Variants in MYO3B observed in about 807,000 individuals in gnomAD.
MYO3B encodes myosin-IIIb.
A neutral mutation model predicts 174.6 loss-of-function variants in MYO3B; 156 were observed. That is an observed-to-expected ratio of 0.89 (90% confidence interval 0.78 to 1.02). The LOEUF is 1.02. MYO3B is among the 50% of genes least tolerant of loss of function. The pLI, the probability that MYO3B is intolerant of heterozygous loss-of-function variation, is 0.00. For missense variants in MYO3B, 1,632 were observed against 1,639.4 expected, an observed-to-expected ratio of 1.00 and a Z score of 0.08; for synonymous variants, 563 against 569.1, an observed-to-expected ratio of 0.99 and a Z score of 0.15.
At chr2:170,564,756 A>G (rs1370802002) in intron 32 of MYO3B, among the ~76,000 whole-genome samples, 1 of 152,176 alleles carries the variant, frequency 6.6e-6, no homozygotes, top group Non-Finnish European at 1.5e-5. Flanking sequence ...GAACAAGTAA[A>G]TAAATTCTAC....
chr2:170,200,834 G>T (rs1483536891), intron 3 of MYO3B, among the ~76,000 whole-genome samples: 3 of 152,218 alleles, frequency 2.0e-5, no homozygotes, highest in East Asian at 3.8e-4. Flanking sequence ...AGAGACCTAA[G>T]CTGGTCCTCT....
At chr2:170,516,802 T>C (rs1475919449) in intron 29 of MYO3B, among the ~76,000 whole-genome samples, 1 of 152,204 alleles carries the variant, frequency 6.6e-6, no homozygotes, top group Non-Finnish European at 1.5e-5. Flanking sequence ...CTAGCGAAGC[T>C]TCTATTGTCA....
At chr2:170,626,321 T>G (rs941842726) in intron 32 of MYO3B, among the ~76,000 whole-genome samples, 3 of 152,212 alleles carry the variant, frequency 2.0e-5, no homozygotes, top group African/African-American at 2.4e-5. Flanking sequence ...GCCTTCTTTA[T>G]CTCTTTTGAT....
intron 23 of MYO3B, among the ~76,000 whole-genome samples, chr2:170,456,249 G>C (rs1027079639): frequency 1.3e-5 from 2 of 152,204 alleles, no homozygotes; most frequent in African/African-American, 4.8e-5. Flanking sequence ...TGTTAGGTCT[G>C]CAAAACAAAC....
intron 23 of MYO3B, 142 bp from the exon 24 acceptor site, chr2:170,463,226 C>G (rs923034707): frequency 6.9e-6 from 4 of 581,980 alleles, no homozygotes; most frequent in Middle Eastern, 4.6e-4. Context: ...TTGAAAAATT[C>G]TCCCCACAGT....
intron 12 of MYO3B, among the ~76,000 whole-genome samples, chr2:170,384,229 G>A (rs898760059): frequency 2.6e-5 from 4 of 152,042 alleles, no homozygotes; most frequent in African/African-American, 9.7e-5. Flanking sequence ...ATGAAATATT[G>A]CACAGAGGTT....
chr2:170,183,072 A>C lies in MYO3B; in HGVS notation c.2+4783A>C, dbSNP rs555981467. 4.6e-3 allele frequency among the ~76,000 whole-genome samples: 694 copies of C among 152,154 alleles called. 5 individuals are homozygous for C. The highest frequency in any genetic ancestry group is 5.9e-3 in the Non-Finnish European group (404 of 67,980). On this transcript the variant is annotated intron_variant, in intron 1 of 34. Transcript: ENST00000408978. ...GGAGTTCAAGACCAGCCTGGGCAAC[A>C]CTGTGAAACCCCGTCTCTACTAAAA... is the stretch of plus-strand genomic sequence containing the variant.
rs56179904 is a variant in MYO3B at position 170,382,098 on chromosome 2, G to A, written c.1054G>A (p.Glu352Lys). 1.9e-6 allele frequency: 3 copies of A among 1,613,054 alleles called. No homozygotes were observed. The South Asian group carries it at 3.3e-5, about 18-fold the overall frequency. Residue 352 changes from glutamate to lysine, a missense_variant, in exon 10 of 35, where the codon GAG becomes AAG. Physicochemically the swap from Glu to Lys is moderately conservative, Grantham distance 56. Transcript: ENST00000408978. ...YCLEDDLVNL[E>K]VLDEDTIIHQ... is the part of the protein sequence containing the mutation. ...CCTTGAGGATGATTTGGTCAACCTA[G>A]AGGTTCTGGATGAGGTACTAAATAT...
At chr2:170,196,527 G>C (rs1219152046) in intron 1 of MYO3B, among the ~76,000 whole-genome samples, 1 of 152,178 alleles carries the variant, frequency 6.6e-6, no homozygotes, top group Non-Finnish European at 1.5e-5. Context: ...AAAAAGCCTA[G>C]TGTTGAGTAA....
Position 170,528,976 on chromosome 2 carries a change from C to T in MYO3B, c.3575+9436C>T, listed in dbSNP as rs114380292. On this transcript the variant is annotated intron_variant, in intron 30 of 34. Transcript: ENST00000408978. The stretch of plus-strand genomic sequence containing the variant: ...TCTGGAAAACTTGAACATTTTCAAA[C>T]CCATTTTAATTTCGTTTGAATAAAC... Among the ~76,000 whole-genome samples the T allele has an allele frequency of 4.8e-3, 731 of 152,320 alleles. 7 individuals are homozygous for T. Among genetic ancestry groups the T allele is most frequent in the African/African-American group, 0.016 (684 of 41,564 alleles).
chr2:170,280,172 G>T (rs1350046850), intron 7 of MYO3B, among the ~76,000 whole-genome samples: 2 of 152,102 alleles, frequency 1.3e-5, no homozygotes, highest in Non-Finnish European at 2.9e-5. Context: ...GTGAGAGATG[G>T]TATCACATTG....
intron 32 of MYO3B, among the ~76,000 whole-genome samples, chr2:170,592,215 T>C (rs763357428): frequency 1.2e-4 from 18 of 152,320 alleles, no homozygotes; most frequent in East Asian, 1.2e-3. Flanking sequence ...GAGGTACTTT[T>C]TGAGGATGTT....
chr2:170,419,273 G>C (rs945059408), intron 22 of MYO3B, among the ~76,000 whole-genome samples: 1 of 152,074 alleles, frequency 6.6e-6, no homozygotes, highest in Non-Finnish European at 1.5e-5. Flanking sequence ...TTTTATCTAG[G>C]GCTGCCAGAA....
intron 7 of MYO3B, among the ~76,000 whole-genome samples, chr2:170,285,915 C>G (rs535072226): frequency 3.3e-5 from 5 of 151,530 alleles, no homozygotes; most frequent in Non-Finnish European, 7.4e-5. Flanking sequence ...CTAAGTCTTT[C>G]TTACATGAAA....
chr2:170,477,916 G>C (rs1376195301), intron 25 of MYO3B, among the ~76,000 whole-genome samples: 1 of 152,048 alleles, frequency 6.6e-6, no homozygotes, highest in East Asian at 1.9e-4. Context: ...CAGAGACCTG[G>C]ACACCTTCTG....
intron 30 of MYO3B, among the ~76,000 whole-genome samples, chr2:170,526,078 G>A (rs1216130096): frequency 2.6e-5 from 4 of 152,152 alleles, no homozygotes; most frequent in Non-Finnish European, 4.4e-5. Flanking sequence ...AACACTGTAT[G>A]TATTGTCTCA....
At chr2:170,520,488 T>TAC (rs1441679629) in intron 30 of MYO3B, among the ~76,000 whole-genome samples, 2 of 151,750 alleles carry the variant, frequency 1.3e-5, no homozygotes, top group African/African-American at 4.8e-5. Context: ...CATATATATA[T>TAC]ACACACATAT....
intron 32 of MYO3B, among the ~76,000 whole-genome samples, chr2:170,586,028 AAAAC>A (rs201191851): frequency 0.013 from 1,953 of 152,302 alleles, 11 homozygotes; most frequent in African/African-American, 0.021. Flanking sequence ...AACAAAACAA[AAAAC>A]AAACAAACAA....
intron 7 of MYO3B, among the ~76,000 whole-genome samples, chr2:170,272,010 A>T (rs1386775803): frequency 6.6e-6 from 1 of 151,102 alleles, no homozygotes; most frequent in Non-Finnish European, 1.5e-5. Context: ...AGGGACTGTT[A>T]TATTTCTACA....
Sources: allele counts gnomAD v4.1 joint callset (sites outside exome capture counted in the v4.1 genomes callset), GRCh38; gene constraint gnomAD v4.1.1; transcripts MANE v1.5; gene names NCBI Gene and HGNC (gene_info 2026-07-23, HGNC 2026-07-21).